Variants in EYS observed in about 807,000 individuals in gnomAD.
EYS encodes EGF-like photoreceptor maintenance factor, also known as protein eyes shut homolog.
Under a neutral mutation model 282.1 loss-of-function variants are expected in EYS, and 250 were observed. The ratio of observed to expected loss-of-function variants is 0.89; its 90% CI spans 0.80 to 0.98. EYS has a LOEUF of 0.98. EYS is among the 50% of genes least tolerant of loss of function. EYS has a pLI of 0.00. For synonymous variants in EYS, 1,355 were observed against 1,282.9 expected (o/e 1.06, Z -1.20); for missense variants, 4,016 against 3,709.0 (o/e 1.08, Z -2.15).
At chr6:63,959,208 TG>T (rs1360157790) in intron 35 of EYS, among the ~76,000 whole-genome samples, 3 of 152,112 alleles carry the variant, frequency 2.0e-5, no homozygotes, top group African/African-American at 7.2e-5. Flanking sequence ...GCAAAGGATA[TG>T]AACAGACAAC....
chr6:65,470,337 T>C (rs1657071808), intron 5 of EYS, among the ~76,000 whole-genome samples: 1 of 152,152 alleles, frequency 6.6e-6, no homozygotes, highest in Non-Finnish European at 1.5e-5. Flanking sequence ...AGATTAAATG[T>C]AAATAATGCA....
chr6:64,156,022 A>G (rs960805477), intron 31 of EYS, among the ~76,000 whole-genome samples: 4 of 146,952 alleles, frequency 2.7e-5, no homozygotes, highest in East Asian at 4.0e-4. Flanking sequence ...GTGTATGTTT[A>G]TGTGTGTGTG....
chr6:64,368,591 A>G (rs759320652), intron 29 of EYS, among the ~76,000 whole-genome samples: 22 of 152,130 alleles, frequency 1.4e-4, no homozygotes, highest in Non-Finnish European at 2.2e-4. Context: ...TTACTTTTTA[A>G]TAATAGCCAT....
At chr6:65,093,198 C>T (rs1774625375) in intron 12 of EYS, among the ~76,000 whole-genome samples, 1 of 151,916 alleles carries the variant, frequency 6.6e-6, no homozygotes, top group African/African-American at 2.4e-5. Context: ...CCCAGTAAAC[C>T]TGTTCTTCAT....
Position 63,996,312 on chromosome 6 carries a change from A to G in EYS, c.6834+2763T>C, listed in dbSNP as rs1168034896. ...GAAAGTAGTCAGAGGTTGCGGGGAG[A>G]GAGAAATGAAAAGTTGCTCTTCAAT... On this transcript the variant is annotated intron_variant, in intron 34 of 42. Coordinates refer to ENST00000503581, the MANE Select transcript of EYS (RefSeq NM_001142800.2). Among the ~76,000 whole-genome samples the G allele has an allele frequency of 3.9e-5, 6 of 152,126 alleles. No homozygotes were observed. In the South Asian group the frequency reaches 6.2e-4, roughly 16 times the overall value.
chr6:64,767,155 T>G (rs1773377856), intron 22 of EYS, among the ~76,000 whole-genome samples: 1 of 152,066 alleles, frequency 6.6e-6, no homozygotes, highest in South Asian at 2.1e-4. Context: ...TTTAATTGGA[T>G]GTACTAATTG....
chr6:63,866,731 CA>C (rs1772679701), intron 35 of EYS, among the ~76,000 whole-genome samples: 1 of 152,080 alleles, frequency 6.6e-6, no homozygotes, highest in Admixed American at 6.6e-5. Flanking sequence ...GAAAACTCTC[CA>C]AGAAAAGGGA....
At chr6:65,080,129 T>A (rs1774187709) in intron 12 of EYS, among the ~76,000 whole-genome samples, 1 of 152,050 alleles carries the variant, frequency 6.6e-6, no homozygotes, top group South Asian at 2.1e-4. Flanking sequence ...ACAAGATCCA[T>A]GTTCCCTCCA....
chr6:64,343,227 C>T (rs1389432989), intron 29 of EYS, among the ~76,000 whole-genome samples: 1 of 152,014 alleles, frequency 6.6e-6, no homozygotes, highest in Non-Finnish European at 1.5e-5. Flanking sequence ...CTACAGAACT[C>T]TCCACCCCAA....
chr6:64,337,011 A>G (rs1770878097), intron 29 of EYS, among the ~76,000 whole-genome samples: 1 of 152,090 alleles, frequency 6.6e-6, no homozygotes, highest in Admixed American at 6.6e-5. Context: ...CTAAACACCT[A>G]CATCAAAAAG....
chr6:64,425,783 C>T (rs1476095762), intron 28 of EYS, among the ~76,000 whole-genome samples: 1 of 150,200 alleles, frequency 6.7e-6, no homozygotes, highest in East Asian at 2.0e-4. Flanking sequence ...ATATAAAGAG[C>T]AAACTGATGA....
Position 63,830,301 on chromosome 6 carries a change from CA to C in EYS, c.7229-23930del, listed in dbSNP as rs35449939. Among the ~76,000 whole-genome samples, 20 of 152,162 alleles carry C rather than the reference CA, an allele frequency of 1.3e-4. No homozygotes were observed. The East Asian group carries it at 3.9e-3, about 29-fold the overall frequency. On this transcript the variant is annotated intron_variant, in intron 36 of 42. Coordinates refer to ENST00000503581, the MANE Select transcript of EYS (RefSeq NM_001142800.2). ...TAAAGGAGGACATTCGAACCTATCG[CA>C]AAAAAGTTAAAAACCTTGATAAAAG...
At chr6:65,627,540 C>A (rs1477295043) in intron 2 of EYS, among the ~76,000 whole-genome samples, 1 of 152,156 alleles carries the variant, frequency 6.6e-6, no homozygotes, top group Non-Finnish European at 1.5e-5. Context: ...GAGGTGCGAG[C>A]AGGAACCGGG....
At chr6:63,856,696 A>C (rs1772400934) in intron 36 of EYS, among the ~76,000 whole-genome samples, 1 of 152,184 alleles carries the variant, frequency 6.6e-6, no homozygotes, top group Non-Finnish European at 1.5e-5. Flanking sequence ...ATCTTTTCTT[A>C]TTATTTTGCT....
At chr6:64,272,462 A>AG (rs772806239) in intron 30 of EYS, among the ~76,000 whole-genome samples, 6 of 152,160 alleles carry the variant, frequency 3.9e-5, no homozygotes, top group Non-Finnish European at 8.8e-5. Flanking sequence ...CTTGTAAGTC[A>AG]GCCTGGTGGT....
intron 13 of EYS, among the ~76,000 whole-genome samples, chr6:64,998,300 A>G (rs1371274045): frequency 6.6e-6 from 1 of 152,208 alleles, no homozygotes; most frequent in Non-Finnish European, 1.5e-5. Context: ...TCAAGGAAGT[A>G]GTGACAGTAT....
chr6:65,569,630 G>T (rs1163021468), intron 2 of EYS, among the ~76,000 whole-genome samples: 1 of 152,054 alleles, frequency 6.6e-6, no homozygotes. Flanking sequence ...TCTGCACTCA[G>T]TGGATCAGTT....
chr6:64,950,723 A>G (rs1769458917), intron 14 of EYS, among the ~76,000 whole-genome samples: 1 of 147,960 alleles, frequency 6.8e-6, no homozygotes, highest in Non-Finnish European at 1.5e-5. Context: ...ATGATTTAAA[A>G]AAACCCTGCC....
chr6:64,822,981 T>C (rs1029992954), intron 19 of EYS, among the ~76,000 whole-genome samples, 159 bp from the exon 20 acceptor site: 1 of 151,988 alleles, frequency 6.6e-6, no homozygotes, highest in Non-Finnish European at 1.5e-5. Flanking sequence ...AGGTTAAATA[T>C]ATTTAGGTCT....
Sources: allele counts gnomAD v4.1 joint callset (sites outside exome capture counted in the v4.1 genomes callset), GRCh38; gene constraint gnomAD v4.1.1; transcripts MANE v1.5; gene names NCBI Gene and HGNC (gene_info 2026-07-23, HGNC 2026-07-21).